The following NXPH1 variants were observed in gnomAD, a reference collection of about 807,000 sequenced individuals.
NXPH1 encodes the protein neurexophilin 1.
NXPH1 carries 5 observed loss-of-function variants against 23.7 expected under a neutral mutation model. The observed-to-expected ratio is 0.21, with a 90% confidence interval of 0.11 to 0.44. The LOEUF (loss-of-function observed/expected upper bound fraction) is 0.44. Among genes scored for constraint, NXPH1 ranks in the 20% least tolerant of loss-of-function variants. NXPH1 has a pLI of 0.99. For synonymous variants in NXPH1, 144 were observed against 122.2 expected (o/e 1.18, Z -1.18); for missense variants, 324 against 321.6 (o/e 1.01, Z -0.06).
At chr7:8,458,133 T>G (rs1037422547) in intron 2 of NXPH1, among the ~76,000 whole-genome samples, 110 of 152,354 alleles carry the variant, frequency 7.2e-4, no homozygotes, top group Non-Finnish European at 3.1e-4. Flanking sequence ...TCTGATTGCA[T>G]ATATTCTACG....
intron 2 of NXPH1, among the ~76,000 whole-genome samples, chr7:8,719,012 G>A (rs558900831): frequency 6.6e-6 from 1 of 152,270 alleles, no homozygotes; most frequent in East Asian, 1.9e-4. Context: ...CTATTTATCT[G>A]TTATTGAAAT....
intron 2 of NXPH1, among the ~76,000 whole-genome samples, chr7:8,449,578 C>T (rs1362879302): frequency 6.6e-6 from 1 of 152,056 alleles, no homozygotes; most frequent in Admixed American, 6.5e-5. Context: ...GTTGATAATA[C>T]CCATTTTATA....
chr7:8,522,954 G>T (rs1817797705), intron 2 of NXPH1, among the ~76,000 whole-genome samples: 1 of 152,224 alleles, frequency 6.6e-6, no homozygotes, highest in East Asian at 1.9e-4. Context: ...CTGAATTTCA[G>T]TCCCAGCTCT....
chr7:8,676,866 G>T (rs1005655281), intron 2 of NXPH1, among the ~76,000 whole-genome samples: 2 of 152,126 alleles, frequency 1.3e-5, no homozygotes, highest in Admixed American at 6.5e-5. Context: ...AGCCAACCAA[G>T]GTGATTAAGG....
intron 2 of NXPH1, among the ~76,000 whole-genome samples, chr7:8,660,309 G>C (rs1013287052): frequency 6.6e-6 from 1 of 152,162 alleles, no homozygotes; most frequent in Non-Finnish European, 1.5e-5. Flanking sequence ...GGGGTGGTGA[G>C]AGGATTCAAA....
At chr7:8,575,084 G>T (rs1049474520) in intron 2 of NXPH1, among the ~76,000 whole-genome samples, 1 of 152,102 alleles carries the variant, frequency 6.6e-6, no homozygotes, top group Non-Finnish European at 1.5e-5. Flanking sequence ...CATTAATGCT[G>T]TATCCTTTAA....
chr7:8,644,512 GT>G (rs969591556), intron 2 of NXPH1, among the ~76,000 whole-genome samples: 1 of 151,960 alleles, frequency 6.6e-6, no homozygotes, highest in Admixed American at 6.6e-5. Flanking sequence ...TGTATTTCTG[GT>G]TTGTTGATGG....
chr7:8,549,670 C>T (rs1462349769), intron 2 of NXPH1, among the ~76,000 whole-genome samples: 2 of 151,428 alleles, frequency 1.3e-5, no homozygotes, highest in African/African-American at 4.8e-5. Context: ...GAGTACACTG[C>T]CTTATAATAA....
chr7:8,649,399 C>T (rs931064682), intron 2 of NXPH1, among the ~76,000 whole-genome samples: 1 of 152,020 alleles, frequency 6.6e-6, no homozygotes, highest in Admixed American at 6.6e-5. Context: ...ACCTACTTTA[C>T]AAACATGAAA....
rs965569383 is a variant in NXPH1 at position 8,750,792 on chromosome 7, C to A, written c.55-216C>A. 8.6e-5 allele frequency among the ~76,000 whole-genome samples: 13 copies of A among 151,920 alleles called. No homozygotes were observed. In the South Asian group the frequency reaches 2.3e-3, roughly 27 times the overall value. On this transcript the variant is annotated intron_variant, in intron 2 of 2. Transcript: ENST00000405863. Reference sequence around the variant, plus strand: ...TTATCACATATTAAAAAATATTGGCCAGATGCTGATGGTGCTTTTAAAACG... The same window carrying A: ...TTATCACATATTAAAAAATATTGGCAAGATGCTGATGGTGCTTTTAAAACG...
At chr7:8,549,256 A>G (rs572301993) in intron 2 of NXPH1, among the ~76,000 whole-genome samples, 4 of 151,506 alleles carry the variant, frequency 2.6e-5, no homozygotes, top group Non-Finnish European at 4.4e-5. Context: ...GCAACAGGTA[A>G]TGCAATTCTC....
At chr7:8,577,949 C>G (rs1214409532) in intron 2 of NXPH1, among the ~76,000 whole-genome samples, 1 of 152,184 alleles carries the variant, frequency 6.6e-6, no homozygotes, top group Admixed American at 6.5e-5. Context: ...CAGCCCTATG[C>G]AAGCCTTCAG....
At chr7:8,622,907 A>C (rs933262402) in intron 2 of NXPH1, among the ~76,000 whole-genome samples, 5 of 152,156 alleles carry the variant, frequency 3.3e-5, no homozygotes, top group African/African-American at 1.2e-4. Flanking sequence ...GAGGAAGAAA[A>C]TATTTGTAGC....
rs138649401 is a variant in NXPH1 at position 8,599,310 on chromosome 7, C to T, written c.55-151698C>T. On this transcript the variant is annotated intron_variant, in intron 2 of 2. Coordinates refer to ENST00000405863, the MANE Select transcript of NXPH1 (RefSeq NM_152745.3). ...CCATCAGCACTCACGAAGGTCATTA[C>T]GCTCTACGATTTCATCTTCTTAACA... is the stretch of plus-strand genomic sequence containing the variant. Among the ~76,000 whole-genome samples, 671 of 152,180 alleles carry T rather than the reference C, an allele frequency of 4.4e-3. 5 individuals are homozygous for T. Among genetic ancestry groups the T allele is most frequent in the African/African-American group, 0.015 (637 of 41,544 alleles).
chr7:8,670,610 G>A (rs1221091615), intron 2 of NXPH1, among the ~76,000 whole-genome samples: 1 of 152,118 alleles, frequency 6.6e-6, no homozygotes, highest in Non-Finnish European at 1.5e-5. Context: ...TGTTTTAACA[G>A]AAGTTATAAC....
intron 2 of NXPH1, among the ~76,000 whole-genome samples, chr7:8,745,719 A>ATTTTTT (rs56019801): frequency 1.9e-4 from 21 of 111,820 alleles, no homozygotes; most frequent in African/African-American, 2.8e-4. Flanking sequence ...CGCCCAGCTA[A>ATTTTTT]TTTTTTTTTT....
intron 2 of NXPH1, among the ~76,000 whole-genome samples, chr7:8,735,830 T>G (rs2115222165): frequency 6.6e-6 from 1 of 152,324 alleles, no homozygotes; most frequent in East Asian, 1.9e-4. Context: ...ATTGGTCTAT[T>G]CAGGGATTCA....
rs373640267 is a variant in NXPH1, at chr7:8,616,137, TCTC to T, written c.55-134868_55-134866del. On this transcript the variant is annotated intron_variant, in intron 2 of 2. Transcript: ENST00000405863. ...GTTTTATAGACCCCTATGTGATTGGTCTCCTGCTACCTTTCTGACCTCATGATC... is the reference window on the plus strand; with the variant it reads ...GTTTTATAGACCCCTATGTGATTGGTCTGCTACCTTTCTGACCTCATGATC... 2.4e-3 allele frequency among the ~76,000 whole-genome samples: 365 copies of T among 152,164 alleles called. 2 individuals are homozygous for T. The highest frequency in any genetic ancestry group is 0.024 in the Middle Eastern group (7 of 294).
chr7:8,658,989 GTA>G lies in NXPH1; in HGVS notation c.55-92003_55-92002del, dbSNP rs202049588. ...AAAGGGAAAGCTGGCATAAGAATAT[GTA>G]TATATATATATATATTTTTTTTTTT... is the stretch of plus-strand genomic sequence containing the variant. On this transcript the variant is annotated intron_variant, in intron 2 of 2. Transcript: ENST00000405863. Among the ~76,000 whole-genome samples, 75 of 80,358 alleles carry G rather than the reference GTA, an allele frequency of 9.3e-4. 21 individuals are homozygous for G. Among genetic ancestry groups the G allele is most frequent in the African/African-American group, 2.4e-3 (67 of 27,358 alleles). The allele number at this position is 80,358 out of a possible 152,430, so 52.7% of individuals were successfully genotyped here.
Sources: allele counts gnomAD v4.1 joint callset (sites outside exome capture counted in the v4.1 genomes callset), GRCh38; gene constraint gnomAD v4.1.1; transcripts MANE v1.5; gene names NCBI Gene and HGNC (gene_info 2026-07-23, HGNC 2026-07-21).